The following LMO7 variants were observed in gnomAD, a reference collection of about 807,000 sequenced individuals.
The protein encoded by LMO7 is LIM domain 7, also known as LIM domain only protein 7.
In LMO7, 120 loss-of-function variants were observed where a neutral mutation model predicts 206.5. The ratio of observed to expected loss-of-function variants is 0.58; its 90% CI spans 0.50 to 0.68. The LOEUF (loss-of-function observed/expected upper bound fraction) is 0.68. Among genes scored for constraint, LMO7 ranks in the 30% least tolerant of loss-of-function variants. The probability of loss-of-function intolerance (pLI) is 0.00; values close to 1 mark genes in which losing one functional copy is unlikely to be tolerated. For synonymous variants in LMO7, 706 were observed against 681.5 expected (o/e 1.04, Z -0.56); for missense variants, 1,959 against 1,957.9 (o/e 1.00, Z -0.01).
In LMO7 at chr13:75,838,147, A is replaced by G; in HGVS notation, c.3402A>G (p.Glu1134=). 6.3e-7 allele frequency: 1 copy of G among 1,584,784 alleles called. No homozygotes were observed. The highest frequency in any genetic ancestry group is 8.7e-7 in the Non-Finnish European group (1 of 1,153,648). ...ESNAFESKAS[E]SISLKNLKRR... ...TATTTTTTTTTCAACTAGCATCTGAATCCATTTCTTTGAAAAACTTAAAAA... is the reference window on the plus strand; with the variant it reads ...TATTTTTTTTTCAACTAGCATCTGAGTCCATTTCTTTGAAAAACTTAAAAA... The change falls in exon 20 of 31, where the codon GAA becomes GAG. Residue 1134 remains glutamate, a synonymous_variant. Coordinates refer to ENST00000377534, the MANE Select transcript of LMO7 (RefSeq NM_001306080.2).
In LMO7 at chr13:75,855,332, G is replaced by T. The variant is rs779421667; in HGVS notation, c.4734G>T (p.Glu1578Asp). 3 of 1,613,594 alleles carry T rather than the reference G, an allele frequency of 1.9e-6. No homozygotes were observed. In the African/African-American group the frequency reaches 4.0e-5, roughly 22 times the overall value. Reference protein sequence around the residue: ...ILGKGAAMIIESLGLCYHLHC... With the variant: ...ILGKGAAMIIDSLGLCYHLHC... ...GCAAAGGAGCCGCCATGATCATCGA[G>T]TCCCTGGGTCTTTGTTATCATTTGC... The change falls in exon 29 of 31, where the codon GAG becomes GAT. Residue 1578 changes from glutamate (E) to aspartate (D), a missense_variant. Glu to Asp is a conservative substitution (Grantham distance 45). Transcript: ENST00000377534.
intron 4 of LMO7, among the ~76,000 whole-genome samples, chr13:75,766,361 T>C (rs1263598282): frequency 6.6e-6 from 1 of 151,848 alleles, no homozygotes; most frequent in South Asian, 2.1e-4. Flanking sequence ...GGTATAGGCA[T>C]TGGGGGTATG....
chr13:75,847,148 T>G (rs2060069647), intron 26 of LMO7, among the ~76,000 whole-genome samples: 2 of 152,118 alleles, frequency 1.3e-5, no homozygotes, highest in Non-Finnish European at 2.9e-5. Context: ...CATTGCTTAG[T>G]GGAAGATGAA....
chr13:75,799,676 A>AT (rs1473817454), intron 6 of LMO7, among the ~76,000 whole-genome samples: 5 of 152,188 alleles, frequency 3.3e-5, no homozygotes, highest in Admixed American at 2.6e-4. Context: ...AGGTTCTTTA[A>AT]ATTGTCTCTG....
intron 1 of LMO7, among the ~76,000 whole-genome samples, chr13:75,699,036 G>A (rs1339121057): frequency 6.6e-6 from 1 of 151,986 alleles, no homozygotes; most frequent in Non-Finnish European, 1.5e-5. Flanking sequence ...ACCTTATTCT[G>A]GACATTTCAC....
chr13:75,777,667 A>T (rs1239110917), intron 4 of LMO7, among the ~76,000 whole-genome samples: 2 of 124,196 alleles, frequency 1.6e-5, no homozygotes, highest in Non-Finnish European at 1.6e-5. Context: ...TTTTTTTGAG[A>T]CAGAGTCTCG....
intron 2 of LMO7, among the ~76,000 whole-genome samples, chr13:75,714,495 A>G (rs1046794039): frequency 2.6e-5 from 4 of 152,124 alleles, no homozygotes; most frequent in African/African-American, 9.7e-5. Context: ...TTTGTTCCAT[A>G]TGAAGTTGCT....
At chr13:75,684,815 A>G (rs1386860242) in intron 1 of LMO7, among the ~76,000 whole-genome samples, 1 of 142,780 alleles carries the variant, frequency 7.0e-6, no homozygotes, top group African/African-American at 2.7e-5. Flanking sequence ...GTGTATATGT[A>G]TATACATATA....
At chr13:75,816,909 G>T (rs938385652) in intron 11 of LMO7, 20 of 283,110 alleles carry the variant, frequency 7.1e-5, no homozygotes, top group Admixed American at 2.6e-4. Flanking sequence ...TTGTTTTTTT[G>T]TTTGTTTGTT....
At position 75,703,739 on chromosome 13, in the gene LMO7, T is replaced by TGTGTGTGTGTGTGTGCGC. The variant is rs57290262; in HGVS notation, c.70-9442_70-9441insTGTGTGTGTGTGTGCGCG. ...TTGTGTGTGTGTGTGTGTGTGTGTG[T>TGTGTGTGTGTGTGTGCGC]GCACTGTGAGGACAGTTTAAAAAGT... On this transcript the variant is annotated intron_variant, in intron 1 of 30. Coordinates refer to ENST00000377534, the MANE Select transcript of LMO7 (RefSeq NM_001306080.2). 4.1e-3 allele frequency among the ~76,000 whole-genome samples: 624 copies of TGTGTGTGTGTGTGTGCGC among 151,762 alleles called. 12 individuals carry two copies. The highest frequency in any genetic ancestry group is 0.014 in the African/African-American group (592 of 41,252).
At chr13:75,649,894 A>T (rs548299974) in intron 1 of LMO7, among the ~76,000 whole-genome samples, 6 of 152,320 alleles carry the variant, frequency 3.9e-5, no homozygotes, top group African/African-American at 1.4e-4. Flanking sequence ...TGGGGAGGTC[A>T]CTTCAGTATT....
chr13:75,723,361 T>TAATAA (rs56675133), intron 2 of LMO7, among the ~76,000 whole-genome samples: 77,556 of 151,410 alleles, frequency 0.51, 21,230 homozygotes, highest in African/African-American at 0.71. Context: ...TGTGAATGAC[T>TAATAA]AATAAATCAC....
Position 75,807,737 on chromosome 13 carries a change from G to T in LMO7, c.1454G>T (p.Arg485Ile). Residue 485 changes from arginine to isoleucine, a missense_variant, in exon 10 of 31, where the codon AGA (arginine) becomes ATA (isoleucine). Transcript: ENST00000377534. ...GTTCTCCGAGCTTTTGAAGACTTTAGAAAGTTCTCTGAGCAAGATGATTCT... is the reference window on the plus strand; with the variant it reads ...GTTCTCCGAGCTTTTGAAGACTTTATAAAGTTCTCTGAGCAAGATGATTCT... ...PYVLRAFEDF[R>I]KFSEQDDSVE... is the part of the protein sequence containing the mutation. 1.2e-6 allele frequency: 2 copies of T among 1,613,976 alleles called. No individual in the cohort carries two copies. The highest frequency in any genetic ancestry group is 1.7e-6 in the Non-Finnish European group (2 of 1,179,886).
At chr13:75,769,610 C>T (rs74924315) in intron 4 of LMO7, among the ~76,000 whole-genome samples, 283 of 152,180 alleles carry the variant, frequency 1.9e-3, no homozygotes, top group Non-Finnish European at 3.0e-3. Flanking sequence ...AATCTCCACA[C>T]TGTAGATAAG....
Position 75,808,048 on chromosome 13 carries a change from C to G in LMO7, c.1765C>G (p.Leu589Val). ...PSYRQKKDDM[L>V]TRKIQSWKLG... ...ATATCGGCAGAAGAAAGATGACATG[C>G]TGACACGTAAGATTCAGTCCTGGAA... is the stretch of plus-strand genomic sequence containing the variant. The change falls in exon 10 of 31, where the codon CTG (leucine) becomes GTG (valine). Residue 589 changes from leucine (L) to valine (V), a missense_variant. Coordinates refer to ENST00000377534, the MANE Select transcript of LMO7 (RefSeq NM_001306080.2). 1.9e-6 allele frequency: 3 copies of G among 1,613,962 alleles called. No individual in the cohort carries two copies. Among genetic ancestry groups the G allele is most frequent in the Non-Finnish European group, 2.5e-6 (3 of 1,179,878 alleles).
At chr13:75,704,263 T>G (rs1168831653) in intron 1 of LMO7, among the ~76,000 whole-genome samples, 1 of 152,158 alleles carries the variant, frequency 6.6e-6, no homozygotes, top group Non-Finnish European at 1.5e-5. Context: ...CAAACATGGC[T>G]CTTGGGAATT....
chr13:75,685,876 T>A lies in LMO7; in HGVS notation c.70-27306T>A, dbSNP rs145668881. Among the ~76,000 whole-genome samples, 1,014 of 149,412 alleles carry A rather than the reference T, an allele frequency of 6.8e-3. 7 individuals are homozygous for A. Among genetic ancestry groups the A allele is most frequent in the Middle Eastern group, 0.014 (4 of 290 alleles). On this transcript the variant is annotated intron_variant, in intron 1 of 30. Transcript: ENST00000377534. Reference sequence around the variant, plus strand: ...CAATCAAACCAAGGGTTTTTCATCCTACCTTTTCTTTCTCTTTTTTTTTTT... The same window carrying A: ...CAATCAAACCAAGGGTTTTTCATCCAACCTTTTCTTTCTCTTTTTTTTTTT...
intron 4 of LMO7, among the ~76,000 whole-genome samples, chr13:75,777,129 TG>T (rs2050613109): frequency 6.6e-6 from 1 of 152,250 alleles, no homozygotes; most frequent in Non-Finnish European, 1.5e-5. Flanking sequence ...CCAGCTCAGC[TG>T]GCAATGGACT....
intron 4 of LMO7, among the ~76,000 whole-genome samples, chr13:75,773,216 A>C (rs1248253634): frequency 6.6e-6 from 1 of 152,148 alleles, no homozygotes; most frequent in Non-Finnish European, 1.5e-5. Context: ...TCGGGCCTAC[A>C]TTCTGATGGG....
Sources: allele counts gnomAD v4.1 joint callset (sites outside exome capture counted in the v4.1 genomes callset), GRCh38; gene constraint gnomAD v4.1.1; transcripts MANE v1.5; gene names NCBI Gene and HGNC (gene_info 2026-07-23, HGNC 2026-07-21).